Variants in SNX29 observed in about 807,000 individuals in gnomAD.
The protein encoded by SNX29 is sorting nexin 29.
Under a neutral mutation model 102.1 loss-of-function variants are expected in SNX29, and 78 were observed. The observed-to-expected ratio is 0.76, with a 90% CI of 0.64 to 0.92. The LOEUF is 0.92. Ranked by LOEUF, SNX29 falls within the 40% of genes least tolerant of loss-of-function variation. The probability of loss-of-function intolerance (pLI) is 0.00; values close to 1 mark genes in which losing one functional copy is unlikely to be tolerated. For synonymous variants in SNX29, 580 were observed against 414.5 expected, an observed-to-expected ratio of 1.40 and a Z score of -4.85; for missense variants, 1,280 against 1,061.7, an observed-to-expected ratio of 1.21 and a Z score of -2.86.
chr16:12,388,318 T>G (rs2083405630), intron 16 of SNX29, among the ~76,000 whole-genome samples: 1 of 152,214 alleles, frequency 6.6e-6, no homozygotes, highest in Non-Finnish European at 1.5e-5. Flanking sequence ...AACAGGTTAC[T>G]CAAAGAATTA....
chr16:12,432,288 C>T (rs74011720), intron 18 of SNX29, among the ~76,000 whole-genome samples: 1 of 152,186 alleles, frequency 6.6e-6, no homozygotes, highest in African/African-American at 2.4e-5. Context: ...ATCTTGTATT[C>T]TAAGACTTGA....
chr16:12,183,342 A>G (rs1466919610), intron 13 of SNX29, among the ~76,000 whole-genome samples: 1 of 152,128 alleles, frequency 6.6e-6, no homozygotes, highest in Non-Finnish European at 1.5e-5. Flanking sequence ...TTATTTTGAG[A>G]AATTTCAAAC....
chr16:12,466,762 G>C (rs2151776831), intron 18 of SNX29, among the ~76,000 whole-genome samples: 1 of 152,296 alleles, frequency 6.6e-6, no homozygotes, highest in African/African-American at 2.4e-5. Flanking sequence ...GACTGAAAGA[G>C]GCCATAGCAG....
chr16:12,260,655 C>G (rs1031822279), intron 14 of SNX29, among the ~76,000 whole-genome samples: 2 of 152,168 alleles, frequency 1.3e-5, no homozygotes, highest in Non-Finnish European at 2.9e-5. Context: ...GCCAGGTCCC[C>G]GGCTGGAGTG....
chr16:12,352,096 T>A (rs1337152249), intron 15 of SNX29, among the ~76,000 whole-genome samples: 1 of 152,224 alleles, frequency 6.6e-6, no homozygotes. Flanking sequence ...TTAAAAAATT[T>A]GATAGACTTG....
rs1287031424 is a variant in SNX29 at position 12,560,776 on chromosome 16, C to G, written c.2319-7730C>G. 19 of 175,542 alleles carry G rather than the reference C, an allele frequency of 1.1e-4. No homozygotes were observed. The East Asian group carries it at 1.8e-3, about 16-fold the overall frequency. 10.9% of individuals were successfully genotyped at this position (175,542 alleles called of 1,614,324 possible). On this transcript the variant is annotated intron_variant, in intron 20 of 20. Transcript: ENST00000566228. ...TTAGCCATAGGATTTACCCTCTGTG[C>G]TTTATTTTCCATGCCCTTAAGATTA...
chr16:12,299,657 C>T (rs1488837651), intron 15 of SNX29, among the ~76,000 whole-genome samples: 1 of 152,058 alleles, frequency 6.6e-6, no homozygotes, highest in Non-Finnish European at 1.5e-5. Context: ...GTGTTCAGAG[C>T]TAGAAAATCT....
intron 11 of SNX29, among the ~76,000 whole-genome samples, chr16:12,125,201 G>A (rs1567228963): frequency 6.6e-6 from 1 of 152,180 alleles, no homozygotes; most frequent in South Asian, 2.1e-4. Context: ...AAGTGAATGT[G>A]TGTTCAGGTT....
chr16:12,244,626 C>G (rs2078208617), intron 14 of SNX29, among the ~76,000 whole-genome samples: 2 of 151,990 alleles, frequency 1.3e-5, no homozygotes, highest in African/African-American at 2.4e-5. Flanking sequence ...AAAAAATCAT[C>G]CAAATCACCT....
At chr16:12,145,325 A>G (rs59855210) in intron 13 of SNX29, among the ~76,000 whole-genome samples, 29,923 of 152,134 alleles carry the variant, frequency 0.2, 3,400 homozygotes, top group Middle Eastern at 0.28. Context: ...ACTTAAGTAT[A>G]TTTTTACATA....
intron 11 of SNX29, chr16:12,081,386 C>T (rs2051866969): frequency 6.6e-6 from 1 of 152,020 alleles, no homozygotes; most frequent in East Asian, 1.9e-4. Context: ...GGAATTGTGC[C>T]GGAAAAGTAG....
At chr16:12,224,937 C>G (rs567398476) in intron 14 of SNX29, among the ~76,000 whole-genome samples, 1 of 152,292 alleles carries the variant, frequency 6.6e-6, no homozygotes, top group Non-Finnish European at 1.5e-5. Flanking sequence ...ATTCTCCCAT[C>G]AAAGGGTGAA....
intron 16 of SNX29, chr16:12,372,715 A>T (rs1393624145): frequency 6.6e-6 from 1 of 152,140 alleles, no homozygotes; most frequent in Admixed American, 6.5e-5. Context: ...GAGACGTTTG[A>T]CTTGAGTTTT....
chr16:11,989,660 A>T (rs184418813), intron 1 of SNX29, among the ~76,000 whole-genome samples: 1 of 152,358 alleles, frequency 6.6e-6, no homozygotes, highest in Admixed American at 6.5e-5. Flanking sequence ...ACCAGAATCT[A>T]GATTCAACAA....
intron 14 of SNX29, among the ~76,000 whole-genome samples, chr16:12,247,121 T>C (rs993412849): frequency 6.6e-6 from 1 of 152,174 alleles, no homozygotes; most frequent in Non-Finnish European, 1.5e-5. Context: ...CAGCCCTGCA[T>C]TTTAAATTGA....
intron 20 of SNX29, among the ~76,000 whole-genome samples, chr16:12,542,090 T>G (rs565497824): frequency 6.6e-6 from 1 of 152,192 alleles, no homozygotes; most frequent in African/African-American, 2.4e-5. Flanking sequence ...TCCTGCAATA[T>G]TGTCTCTTCC....
intron 10 of SNX29, among the ~76,000 whole-genome samples, chr16:12,074,810 T>C (rs939230821): frequency 6.6e-6 from 1 of 152,232 alleles, no homozygotes. Flanking sequence ...ACCAATCAGA[T>C]GCAGATTTGG....
intron 15 of SNX29, among the ~76,000 whole-genome samples, chr16:12,323,235 A>T (rs2081011796): frequency 6.6e-6 from 1 of 151,846 alleles, no homozygotes; most frequent in South Asian, 2.1e-4. Flanking sequence ...CACTGTCAGG[A>T]TGTGGTCACT....
intron 1 of SNX29, among the ~76,000 whole-genome samples, chr16:11,986,851 C>A (rs1047048276): frequency 6.6e-6 from 1 of 152,116 alleles, no homozygotes; most frequent in African/African-American, 2.4e-5. Context: ...AGTGAAAGGA[C>A]GTGGCTGTGT....
Sources: gnomAD v4.1 joint callset for allele counts (sites outside exome capture counted in the v4.1 genomes callset) on GRCh38, gnomAD v4.1.1 for gene constraint, MANE v1.5 for transcripts, NCBI Gene and HGNC (gene_info 2026-07-23, HGNC 2026-07-21) for gene names.